SCFD2: variants seen among roughly 807,000 people sequenced by gnomAD.
The protein encoded by SCFD2 is sec1 family domain-containing protein 2.
Under a neutral mutation model 58.9 loss-of-function variants are expected in SCFD2, and 54 were observed. The observed-to-expected ratio is 0.92, with a 90% CI of 0.74 to 1.15. The LOEUF (loss-of-function observed/expected upper bound fraction) is 1.15, where lower values mean the gene tolerates loss of function less well. Among genes scored for constraint, SCFD2 ranks in the 50% most tolerant of loss-of-function variants. The probability of loss-of-function intolerance (pLI) is 0.00; values close to 1 mark genes in which losing one functional copy is unlikely to be tolerated. For synonymous variants in SCFD2, 321 were observed against 335.9 expected (o/e 0.96, Z 0.49); for missense variants, 805 against 836.6 (o/e 0.96, Z 0.47).
intron 5 of SCFD2, among the ~76,000 whole-genome samples, chr4:53,063,627 AAT>A (rs1201648441): frequency 6.6e-6 from 1 of 152,062 alleles, no homozygotes; most frequent in Non-Finnish European, 1.5e-5. Context: ...TTCAAACCCA[AAT>A]CTGTCTGACT....
intron 5 of SCFD2, among the ~76,000 whole-genome samples, chr4:52,931,643 T>C (rs1045665567): frequency 2.0e-5 from 3 of 152,212 alleles, no homozygotes; most frequent in Admixed American, 2.0e-4. Context: ...TTATTTTTCT[T>C]TGAATTGGGA....
intron 4 of SCFD2, among the ~76,000 whole-genome samples, chr4:53,160,286 G>A (rs376402557): frequency 6.6e-6 from 1 of 152,136 alleles, no homozygotes; most frequent in Admixed American, 6.6e-5. Flanking sequence ...TTCTCATTTC[G>A]GCTATGGTGA....
chr4:53,355,637 A>G (rs1208157640), intron 1 of SCFD2, among the ~76,000 whole-genome samples: 1 of 152,178 alleles, frequency 6.6e-6, no homozygotes, highest in Admixed American at 6.5e-5. Context: ...TCTCCAACTG[A>G]TTCCCATTAT....
At chr4:53,183,349 G>T (rs1727637340) in intron 4 of SCFD2, among the ~76,000 whole-genome samples, 1 of 152,158 alleles carries the variant, frequency 6.6e-6, no homozygotes, top group South Asian at 2.1e-4. Context: ...CATGTCCTTT[G>T]TAGGGACATG....
rs557442564 is a variant in SCFD2 at position 53,079,937 on chromosome 4, T to C, written c.1561+65396A>G. Among the ~76,000 whole-genome samples, 6 of 152,330 alleles carry C rather than the reference T, an allele frequency of 3.9e-5. No individual in the cohort carries two copies. In the East Asian group the frequency reaches 1.2e-3, roughly 29 times the overall value. ...TATATAAGATTTATGTGCATAAATA[T>C]ACATTTTAATATATACATGAAGAAA... is the stretch of plus-strand genomic sequence containing the variant. On this transcript the variant is annotated intron_variant, in intron 5 of 8. Transcript: ENST00000401642.
chr4:53,000,568 G>A (rs1229592578), intron 5 of SCFD2, among the ~76,000 whole-genome samples: 1 of 152,196 alleles, frequency 6.6e-6, no homozygotes, highest in African/African-American at 2.4e-5. Flanking sequence ...GGAGCCAGGG[G>A]ATCCATAAGC....
At chr4:53,150,195 G>A (rs1726464353) in intron 4 of SCFD2, among the ~76,000 whole-genome samples, 1 of 152,188 alleles carries the variant, frequency 6.6e-6, no homozygotes, top group Non-Finnish European at 1.5e-5. Flanking sequence ...GTAAAGGAGG[G>A]AGAAGGAAGG....
intron 6 of SCFD2, among the ~76,000 whole-genome samples, chr4:52,919,878 C>A (rs970249513): frequency 1.3e-5 from 2 of 152,244 alleles, no homozygotes; most frequent in African/African-American, 4.8e-5. Flanking sequence ...CTCCTCCCCA[C>A]TAACAGCACA....
At chr4:53,111,086 A>G (rs576503910) in intron 5 of SCFD2, among the ~76,000 whole-genome samples, 1 of 152,318 alleles carries the variant, frequency 6.6e-6, no homozygotes, top group South Asian at 2.1e-4. Flanking sequence ...TAACACAGGA[A>G]CAGAAAAACA....
intron 4 of SCFD2, among the ~76,000 whole-genome samples, chr4:53,229,600 C>T (rs1729359636): frequency 6.6e-6 from 1 of 152,186 alleles, no homozygotes; most frequent in Non-Finnish European, 1.5e-5. Flanking sequence ...CCCTTCCTTA[C>T]ACCTTATACA....
intron 1 of SCFD2, among the ~76,000 whole-genome samples, chr4:53,358,405 G>A (rs1346000964): frequency 6.6e-6 from 1 of 151,964 alleles, no homozygotes; most frequent in Non-Finnish European, 1.5e-5. Context: ...AAAATTAGCT[G>A]GGCGTGGTGG....
At chr4:53,222,914 CA>C (rs1342388282) in intron 4 of SCFD2, among the ~76,000 whole-genome samples, 1 of 152,136 alleles carries the variant, frequency 6.6e-6, no homozygotes, top group Non-Finnish European at 1.5e-5. Flanking sequence ...GCAGATTCTA[CA>C]GAAACGTATT....
chr4:53,155,552 A>T (rs990691627), intron 4 of SCFD2, among the ~76,000 whole-genome samples: 8 of 152,228 alleles, frequency 5.3e-5, no homozygotes, highest in Non-Finnish European at 8.8e-5. Context: ...AGGGCTCAAT[A>T]CGTACTTGCT....
intron 3 of SCFD2, among the ~76,000 whole-genome samples, chr4:53,307,319 A>G (rs1305908944): frequency 6.6e-6 from 1 of 152,226 alleles, no homozygotes; most frequent in Non-Finnish European, 1.5e-5. Context: ...AGACATTTGG[A>G]TACTATCCTG....
chr4:53,066,914 T>C (rs1292706076), intron 5 of SCFD2, among the ~76,000 whole-genome samples: 1 of 152,026 alleles, frequency 6.6e-6, no homozygotes, highest in East Asian at 1.9e-4. Context: ...CCCATTAGAA[T>C]GCAGGCCTCA....
chr4:53,119,116 G>A (rs1360099994), intron 5 of SCFD2, among the ~76,000 whole-genome samples: 3 of 152,120 alleles, frequency 2.0e-5, no homozygotes, highest in Non-Finnish European at 2.9e-5. Context: ...TCAGGAGTTC[G>A]AGACCAGCCC....
At chr4:53,219,359 G>A (rs577966906) in intron 4 of SCFD2, among the ~76,000 whole-genome samples, 1 of 152,290 alleles carries the variant, frequency 6.6e-6, no homozygotes, top group East Asian at 1.9e-4. Context: ...CCCCAGCCTC[G>A]CTGCCGCCTT....
chr4:53,273,050 T>C (rs1731223665), intron 4 of SCFD2, among the ~76,000 whole-genome samples: 1 of 152,106 alleles, frequency 6.6e-6, no homozygotes, highest in African/African-American at 2.4e-5. Context: ...GAAAATCAGA[T>C]TAGAGATGGT....
chr4:53,238,269 C>A, intron 4 of SCFD2, among the ~76,000 whole-genome samples: 1 of 110,892 alleles, frequency 9.0e-6, no homozygotes, highest in Non-Finnish European at 1.9e-5. Flanking sequence ...CAGAGGCGCC[C>A]CTCACCTCCT....
Sources: allele counts gnomAD v4.1 joint callset (sites outside exome capture counted in the v4.1 genomes callset), GRCh38; gene constraint gnomAD v4.1.1; transcripts MANE v1.5; gene names NCBI Gene and HGNC (gene_info 2026-07-23, HGNC 2026-07-21).